TENM1: variants seen among roughly 807,000 people sequenced by gnomAD.
The protein encoded by TENM1 is teneurin-1.
A neutral mutation model predicts 174.8 loss-of-function variants in TENM1; 35 were observed. That is an observed-to-expected ratio of 0.20 (90% CI 0.15 to 0.27). The LOEUF (loss-of-function observed/expected upper bound fraction) is 0.27. Among genes scored for constraint, TENM1 ranks in the 10% least tolerant of loss-of-function variants. The pLI, the probability that TENM1 is intolerant of heterozygous loss-of-function variation, is 1.00. For synonymous variants in TENM1, 781 were observed against 798.7 expected (o/e 0.98, Z 0.37); for missense variants, 1,633 against 2,130.1 (o/e 0.77, Z 4.59).
At chrX:124,499,723 G>A (rs1431252265) in intron 19 of TENM1, among the ~76,000 whole-genome samples, 1 of 111,693 alleles carries the variant, frequency 9.0e-6, no homozygotes, top group Non-Finnish European at 1.9e-5. Context: ...AATGAGAACT[G>A]GAATGACAGT....
intron 1 of TENM1, among the ~76,000 whole-genome samples, chrX:124,935,184 C>T (rs1304261645): frequency 1.9e-5 from 2 of 106,268 alleles, no homozygotes; most frequent in Admixed American, 2.1e-4. Flanking sequence ...TTCTGTAAAG[C>T]TAAGTGGCTA....
chrX:124,562,714 C>A (rs769751919), intron 13 of TENM1, among the ~76,000 whole-genome samples: 2 of 112,785 alleles, frequency 1.8e-5, no homozygotes, highest in South Asian at 7.2e-4. Flanking sequence ...ACTTCACATG[C>A]GCCACATGCG....
rs759062069 is a variant in TENM1 at position 124,871,545 on chromosome X, T to C, written c.535+22751A>G. ...ATCAGGAGTTTAGTTTTGGGCAAGT[T>C]GAGTTTAAGATATCTATTAAACATC... On this transcript the variant is annotated intron_variant, in intron 3 of 31. Coordinates refer to ENST00000422452, the Ensembl canonical transcript of TENM1. Among the ~76,000 whole-genome samples, 7 of 111,804 alleles carry C rather than the reference T, an allele frequency of 6.3e-5. No homozygotes were observed. The South Asian group carries it at 2.6e-3, about 42-fold the overall frequency.
At chrX:124,677,160 G>C (rs748412965) in intron 5 of TENM1, among the ~76,000 whole-genome samples, 12 of 110,239 alleles carry the variant, frequency 1.1e-4, no homozygotes, top group Admixed American at 2.9e-4. Context: ...TTTTAATATG[G>C]CTACTCTAAA....
intron 3 of TENM1, among the ~76,000 whole-genome samples, chrX:124,837,368 T>A (rs1452226199): frequency 8.9e-6 from 1 of 112,241 alleles, no homozygotes; most frequent in Non-Finnish European, 1.9e-5. Context: ...GGATTACAGG[T>A]GTGAGCTACG....
intron 3 of TENM1, among the ~76,000 whole-genome samples, chrX:124,841,611 T>C (rs2056502174): frequency 9.9e-6 from 1 of 101,444 alleles, no homozygotes; most frequent in Admixed American, 1.1e-4. Flanking sequence ...TGCCTCTTTC[T>C]GTGAATGATT....
intron 11 of TENM1, among the ~76,000 whole-genome samples, chrX:124,583,724 G>A (rs1487704066): frequency 2.7e-5 from 3 of 111,716 alleles, no homozygotes; most frequent in Non-Finnish European, 5.6e-5. Flanking sequence ...GGCTTCAGAC[G>A]ATCAAACTAC....
rs185479978 is a variant in TENM1 at position 124,509,701 on chromosome X, C to G, written c.3302-5998G>C. Reference sequence around the variant, plus strand: ...GAGAAGCCATACCTTGAAGGATTACCTACTTTCTGGAATTTTTTTTTTTTT... The same window carrying G: ...GAGAAGCCATACCTTGAAGGATTACGTACTTTCTGGAATTTTTTTTTTTTT... On this transcript the variant is annotated intron_variant, in intron 18 of 31. Coordinates refer to ENST00000422452, the Ensembl canonical transcript of TENM1. 3.8e-4 allele frequency among the ~76,000 whole-genome samples: 40 copies of G among 104,549 alleles called. No individual in the cohort carries two copies. The East Asian group carries it at 0.011, about 29-fold the overall frequency. 90.8% of individuals were successfully genotyped at this position (104,549 alleles called of 115,157 possible).
At chrX:125,169,019 A>G in the TENM1 span, among the ~76,000 whole-genome samples, 1 of 110,672 alleles carries the variant, frequency 9.0e-6, no homozygotes, top group Non-Finnish European at 1.9e-5. Context: ...CACGCAGATC[A>G]TATTTTTTAT....
chrX:124,808,488 G>A (rs369313562), intron 3 of TENM1, among the ~76,000 whole-genome samples: 16 of 111,768 alleles, frequency 1.4e-4, no homozygotes, highest in East Asian at 5.7e-4. Flanking sequence ...TGGACCTAAC[G>A]GACATATTTA....
intron 3 of TENM1, among the ~76,000 whole-genome samples, chrX:124,762,208 CT>C (rs755051726): frequency 1.2e-4 from 13 of 112,009 alleles, no homozygotes; most frequent in Admixed American, 5.7e-4. Flanking sequence ...ATGGAATGAT[CT>C]AAACCTAATC....
chrX:125,065,816 T>A, the TENM1 span, among the ~76,000 whole-genome samples: 1 of 112,154 alleles, frequency 8.9e-6, no homozygotes, highest in East Asian at 2.8e-4. Flanking sequence ...TTTAGTTGAC[T>A]GTAAGCACAA....
At chrX:124,755,340 G>T (rs1459120064) in intron 3 of TENM1, among the ~76,000 whole-genome samples, 1 of 110,646 alleles carries the variant, frequency 9.0e-6, no homozygotes, top group Non-Finnish European at 1.9e-5. Flanking sequence ...CCATTTGCTT[G>T]GTAGATCTTC....
chrX:124,765,871 G>A (rs1461976525), intron 3 of TENM1, among the ~76,000 whole-genome samples: 12 of 111,823 alleles, frequency 1.1e-4, no homozygotes, highest in Admixed American at 8.6e-4. Flanking sequence ...TACTCATAAC[G>A]AGAAACACTT....
At chrX:125,100,836 A>C in the TENM1 span, among the ~76,000 whole-genome samples, 1 of 111,459 alleles carries the variant, frequency 9.0e-6, no homozygotes, top group African/African-American at 3.3e-5. Flanking sequence ...AAATACTATA[A>C]TATAAATTCA....
At chrX:124,463,522 A>T (rs1430570386) in intron 22 of TENM1, among the ~76,000 whole-genome samples, 1 of 111,562 alleles carries the variant, frequency 9.0e-6, no homozygotes, top group African/African-American at 3.3e-5. Flanking sequence ...ATTTAAGTCC[A>T]TGGAGCATTA....
At chrX:124,613,258 G>T (rs917370255) in intron 11 of TENM1, among the ~76,000 whole-genome samples, 1 of 111,194 alleles carries the variant, frequency 9.0e-6, no homozygotes, top group Non-Finnish European at 1.9e-5. Context: ...AACTTCCCCT[G>T]TTTTCCAGGC....
chrX:124,970,256 A>T, the TENM1 span, among the ~76,000 whole-genome samples: 1,286 of 111,555 alleles, frequency 0.012, 21 homozygotes, highest in African/African-American at 0.038. Context: ...CTCACAGCAG[A>T]TGCTTATAGT....
chrX:124,470,015 G>A (rs1201297430), intron 22 of TENM1, among the ~76,000 whole-genome samples: 4 of 111,245 alleles, frequency 3.6e-5, no homozygotes, highest in Non-Finnish European at 7.5e-5. Flanking sequence ...AGCTGCTGAG[G>A]GTATTGCAGA....
Sources: gnomAD v4.1 joint callset for allele counts (sites outside exome capture counted in the v4.1 genomes callset) on GRCh38, gnomAD v4.1.1 for gene constraint, MANE v1.5 for transcripts, NCBI Gene and HGNC (gene_info 2026-07-23, HGNC 2026-07-21) for gene names.